Variants in TNRC6B observed in about 807,000 individuals in gnomAD.
TNRC6B encodes trinucleotide repeat-containing gene 6B protein.
TNRC6B carries 52 observed loss-of-function variants against 203.6 expected under a neutral mutation model. The ratio of observed to expected loss-of-function variants is 0.26; its 90% CI spans 0.20 to 0.32. The LOEUF is 0.32. TNRC6B is among the 10% of genes least tolerant of loss of function. TNRC6B has a pLI of 1.00. For missense variants in TNRC6B, 1,923 were observed against 2,286.2 expected (o/e 0.84, Z 3.24); for synonymous variants, 838 against 845.7 (o/e 0.99, Z 0.16).
At position 40,078,414 on chromosome 22, in the gene TNRC6B, C is replaced by A. The variant is rs374334976; in HGVS notation, c.-121+33416C>A. Among the ~76,000 whole-genome samples the A allele has an allele frequency of 1.2e-4, 19 of 152,094 alleles. 2 individuals are homozygous for A. The highest frequency in any genetic ancestry group is 9.8e-4 in the Admixed American group (15 of 15,284). On this transcript the variant is annotated intron_variant, in intron 1 of 23. Coordinates refer to the TNRC6B transcript ENST00000301923. ...TGGCACATGCCTGTAGTCCCAGCTACTTGGGAGGCTGAGGCAGGAGGATCA... is the reference window on the plus strand; with the variant it reads ...TGGCACATGCCTGTAGTCCCAGCTAATTGGGAGGCTGAGGCAGGAGGATCA...
rs750921603 is a variant in TNRC6B, at chr22:40,316,061, G to A, written c.4974+49G>A. ...TCTAGATAGGACTTGATTGTATTAAGAGAGAGGGAAAGGTTGGGCATGGTG... is the reference window on the plus strand; with the variant it reads ...TCTAGATAGGACTTGATTGTATTAAAAGAGAGGGAAAGGTTGGGCATGGTG... On this transcript the variant is annotated intron_variant, in intron 21 of 22. Coordinates refer to ENST00000454349, the MANE Select transcript of TNRC6B (RefSeq NM_001162501.2). 11 of 1,565,392 alleles carry A rather than the reference G, an allele frequency of 7.0e-6. No individual in the cohort carries two copies. In the African/African-American group the frequency reaches 1.5e-4, roughly 21 times the overall value.
intron 3 of TNRC6B, among the ~76,000 whole-genome samples, chr22:40,135,549 G>A (rs1297406962): frequency 3.3e-5 from 5 of 152,168 alleles, no homozygotes. Context: ...TGCCCAAGCT[G>A]TAGAGCAGTG....
At chr22:40,317,220 G>T (rs879919091) in intron 21 of TNRC6B, among the ~76,000 whole-genome samples, 1 of 152,022 alleles carries the variant, frequency 6.6e-6, no homozygotes, top group African/African-American at 2.4e-5. Flanking sequence ...AACCATTTTT[G>T]TGCTCTGTAA....
chr22:40,310,575 C>A (rs2071162982), intron 16 of TNRC6B, among the ~76,000 whole-genome samples: 1 of 152,162 alleles, frequency 6.6e-6, no homozygotes, highest in Non-Finnish European at 1.5e-5. Context: ...AACATTCAAG[C>A]ATGAGAACAA....
At chr22:40,066,395 T>C (rs957041536) in intron 1 of TNRC6B, among the ~76,000 whole-genome samples, 3 of 152,170 alleles carry the variant, frequency 2.0e-5, no homozygotes, top group Non-Finnish European at 4.4e-5. Flanking sequence ...AGGAATTCTT[T>C]AGGGGTTGCT....
intron 1 of TNRC6B, among the ~76,000 whole-genome samples, chr22:40,229,157 G>A (rs902724864): frequency 3.3e-5 from 5 of 152,134 alleles, no homozygotes; most frequent in Admixed American, 6.6e-5. Context: ...ACAGCACTCC[G>A]GAGAATTAAA....
intron 4 of TNRC6B, among the ~76,000 whole-genome samples, chr22:40,172,876 A>C (rs1269971197): frequency 6.6e-5 from 10 of 152,012 alleles, no homozygotes; most frequent in Admixed American, 6.6e-4. Context: ...ATTTTTCTTG[A>C]GTTGATTTTG....
At position 40,081,042 on chromosome 22, in the gene TNRC6B, T is replaced by TG. The variant is rs558876859; in HGVS notation, c.-120-36006dup. ...GGCTAATTTTTGCATTTTTAGTGTG[T>TG]GGGGGGGTGCGTTTCACCATGTTGG... On this transcript the variant is annotated intron_variant, in intron 1 of 23. Transcript: ENST00000301923. Among the ~76,000 whole-genome samples, 718 of 151,774 alleles carry TG rather than the reference T, an allele frequency of 4.7e-3. 5 individuals are homozygous for TG. The highest frequency in any genetic ancestry group is 7.7e-3 in the Non-Finnish European group (524 of 67,858).
rs996293359 is a variant in TNRC6B, at chr22:40,329,734, C to A, written c.*6493C>A. ...CCAGATCCCGAGTGATTGTGGCATA[C>A]CCCTAATATTTGAGTAGTTTTTAAG... On this transcript the variant is annotated 3_prime_UTR_variant, in exon 23 of 23. Coordinates refer to ENST00000454349, the MANE Select transcript of TNRC6B (RefSeq NM_001162501.2). 6.6e-6 allele frequency: 1 copy of A among 152,120 alleles called. No individual in the cohort carries two copies. Among genetic ancestry groups the A allele is most frequent in the African/African-American group, 2.4e-5 (1 of 41,396 alleles). The allele number at this position is 152,120 out of a possible 1,614,324, so 9.4% of individuals were successfully genotyped here.
intron 1 of TNRC6B, among the ~76,000 whole-genome samples, chr22:40,094,220 T>C (rs1044522451): frequency 1.3e-5 from 2 of 152,150 alleles, no homozygotes; most frequent in Non-Finnish European, 2.9e-5. Flanking sequence ...ATCTAGTAAA[T>C]GTTAGGGATT....
At chr22:40,285,805 A>G (rs1329148841) in intron 12 of TNRC6B, 35 bp downstream of exon 12, 1 of 1,610,916 alleles carries the variant, frequency 6.2e-7, no homozygotes, top group Non-Finnish European at 8.5e-7. Flanking sequence ...TTCAAAATGA[A>G]AGACCATTTC....
At chr22:40,167,690 A>G (rs2068931618) in intron 4 of TNRC6B, among the ~76,000 whole-genome samples, 1 of 134,006 alleles carries the variant, frequency 7.5e-6, no homozygotes, top group Non-Finnish European at 1.6e-5. Flanking sequence ...ACCAGCATAG[A>G]TTCCCATCGC....
chr22:40,131,899 G>T (rs1276007993), intron 3 of TNRC6B, among the ~76,000 whole-genome samples: 1 of 152,198 alleles, frequency 6.6e-6, no homozygotes, highest in Non-Finnish European at 1.5e-5. Flanking sequence ...ATCCTTTGGA[G>T]GAACAGTGAA....
rs540383778 is a variant in TNRC6B, at chr22:40,138,273, G to A, written c.45+12411G>A. Among the ~76,000 whole-genome samples the A allele has an allele frequency of 1.6e-3, 236 of 152,206 alleles. 1 individual carries two copies. Among genetic ancestry groups the A allele is most frequent in the Middle Eastern group, 0.01 (3 of 294 alleles). On this transcript the variant is annotated intron_variant, in intron 3 of 23. Transcript: ENST00000301923. ...GGATGTAGCTGTTGTTACTGTTATC[G>A]TTATTTTTTTGAGACGGAGTCTCGC...
intron 1 of TNRC6B, among the ~76,000 whole-genome samples, chr22:40,192,964 T>C (rs2069292674): frequency 6.6e-6 from 1 of 152,180 alleles, no homozygotes; most frequent in Non-Finnish European, 1.5e-5. Context: ...GTGACAGTGC[T>C]CCCTTAGGAG....
intron 12 of TNRC6B, among the ~76,000 whole-genome samples, chr22:40,296,422 C>T (rs1335523648): frequency 1.3e-5 from 2 of 150,996 alleles, no homozygotes; most frequent in Admixed American, 6.6e-5. Context: ...AGCTCCGCCT[C>T]CCGGGTTCAT....
intron 1 of TNRC6B, among the ~76,000 whole-genome samples, chr22:40,113,366 T>C (rs1169357353): frequency 6.6e-6 from 1 of 152,172 alleles, no homozygotes; most frequent in Non-Finnish European, 1.5e-5. Context: ...CCACCTGTGC[T>C]CCTTTTGAGA....
At chr22:40,284,807 A>G (rs1398648730) in intron 11 of TNRC6B, among the ~76,000 whole-genome samples, 4 of 152,136 alleles carry the variant, frequency 2.6e-5, no homozygotes, top group Non-Finnish European at 4.4e-5. Context: ...ATCAGAAAGA[A>G]CCTCAGGCAG....
chr22:40,260,491 G>C (rs2070363283), intron 3 of TNRC6B, among the ~76,000 whole-genome samples: 1 of 152,232 alleles, frequency 6.6e-6, no homozygotes, highest in African/African-American at 2.4e-5. Flanking sequence ...TGTAGATGGA[G>C]AATTTCGGTG....
Sources: allele counts gnomAD v4.1 joint callset (sites outside exome capture counted in the v4.1 genomes callset), GRCh38; gene constraint gnomAD v4.1.1; transcripts MANE v1.5; gene names NCBI Gene and HGNC (gene_info 2026-07-23, HGNC 2026-07-21).